The following LUC7L2 variants were observed in gnomAD, a reference collection of about 807,000 sequenced individuals.
The protein encoded by LUC7L2 is putative RNA-binding protein Luc7-like 2.
LUC7L2 carries 25 observed loss-of-function variants against 52.8 expected under a neutral mutation model. That is an observed-to-expected ratio of 0.47 (90% CI 0.34 to 0.66). The LOEUF is 0.66. Ranked by LOEUF, LUC7L2 falls within the 30% of genes least tolerant of loss-of-function variation. LUC7L2 has a pLI of 0.01. For synonymous variants in LUC7L2, 144 were observed against 160.9 expected (o/e 0.89, Z 0.80); for missense variants, 328 against 497.8 (o/e 0.66, Z 3.25).
intron 4 of LUC7L2, among the ~76,000 whole-genome samples, chr7:139,402,609 C>A (rs1308964972): frequency 1.3e-5 from 2 of 152,204 alleles, no homozygotes; most frequent in Non-Finnish European, 2.9e-5. Context: ...TTGCTGCAAT[C>A]TCTGCCTTCT....
chr7:139,358,276 G>C (rs4398843), upstream of LUC7L2, among the ~76,000 whole-genome samples: 58,753 of 152,048 alleles, frequency 0.39, 15,801 homozygotes, highest in African/African-American at 0.77. Flanking sequence ...CCAAAGTACT[G>C]GGATTACAGG....
intron 1 of LUC7L2, among the ~76,000 whole-genome samples, chr7:139,354,821 G>A (rs992507960): frequency 7.3e-6 from 1 of 136,658 alleles, no homozygotes; most frequent in African/African-American, 3.4e-5. Flanking sequence ...AATCCCAAAA[G>A]TGAATTGGAA....
At chr7:139,391,220 T>C (rs1794436696) in intron 2 of LUC7L2, among the ~76,000 whole-genome samples, 1 of 152,208 alleles carries the variant, frequency 6.6e-6, no homozygotes, top group Admixed American at 6.5e-5. Flanking sequence ...TACATCTTTG[T>C]AGACACTTGC....
At chr7:139,390,551 A>G (rs1794401988) in intron 2 of LUC7L2, among the ~76,000 whole-genome samples, 1 of 140,558 alleles carries the variant, frequency 7.1e-6, no homozygotes, top group South Asian at 2.2e-4. Flanking sequence ...TTACTTAGAC[A>G]ATGTAGTTTT....
intron 1 of LUC7L2, among the ~76,000 whole-genome samples, chr7:139,363,812 ATT>A (rs1800000917): frequency 6.6e-6 from 1 of 152,032 alleles, no homozygotes. Context: ...ACAGACTGTG[ATT>A]TTTGCTCAGT....
chr7:139,413,801 A>G (rs925649565), intron 8 of LUC7L2, among the ~76,000 whole-genome samples: 1 of 152,156 alleles, frequency 6.6e-6, no homozygotes, highest in Non-Finnish European at 1.5e-5. Context: ...AAAACCTTAC[A>G]GTTCTGTTAG....
chr7:139,403,955 A>G (rs1164574698), intron 4 of LUC7L2, among the ~76,000 whole-genome samples: 1 of 152,242 alleles, frequency 6.6e-6, no homozygotes, highest in East Asian at 1.9e-4. Context: ...TTCATGGCCA[A>G]ATTCAGAGTC....
chr7:139,374,639 A>T, intron 1 of LUC7L2: 1 of 1,442,206 alleles, frequency 6.9e-7, no homozygotes, highest in Non-Finnish European at 9.1e-7. Flanking sequence ...ACGAGCTTCT[A>T]GAAAACCTAT....
chr7:139,382,373 TCA>T lies in LUC7L2; in HGVS notation c.156+6220_156+6221del, dbSNP rs1801076266. On this transcript the variant is annotated intron_variant, in intron 2 of 9. Transcript: ENST00000354926. Reference sequence around the variant, plus strand: ...AATATTATTGGGGACTTTGATATTGTCACAGTCTTTATTTATTTATTTATTTT... The same window carrying T: ...AATATTATTGGGGACTTTGATATTGTCAGTCTTTATTTATTTATTTATTTT... 2.1e-5 allele frequency among the ~76,000 whole-genome samples: 3 copies of T among 143,182 alleles called. No individual in the cohort carries two copies. The South Asian group carries it at 6.5e-4, about 31-fold the overall frequency. 93.9% of individuals were successfully genotyped at this position (143,182 alleles called of 152,430 possible). A position where few individuals can be genotyped will look rare whatever the true frequency, so the allele number is the denominator to read the frequency against.
chr7:139,393,658 G>T (rs984085438), intron 2 of LUC7L2, among the ~76,000 whole-genome samples: 4 of 152,038 alleles, frequency 2.6e-5, no homozygotes. Flanking sequence ...TGTTGCCCAG[G>T]CTGGTCTCAA....
At chr7:139,418,209 C>T (rs1366252211) in intron 9 of LUC7L2, among the ~76,000 whole-genome samples, 1 of 135,322 alleles carries the variant, frequency 7.4e-6, no homozygotes, top group African/African-American at 3.6e-5. Flanking sequence ...TACATACCTT[C>T]AGCTTGGCAA....
At chr7:139,375,021 T>C (rs1312455947) in intron 1 of LUC7L2, 1 of 984,622 alleles carries the variant, frequency 1.0e-6, no homozygotes. Flanking sequence ...ACCAGTAGGT[T>C]TTCATTCATC....
chr7:139,398,341 T>C (rs1794750129), intron 2 of LUC7L2, among the ~76,000 whole-genome samples: 1 of 152,246 alleles, frequency 6.6e-6, no homozygotes. Context: ...TTTTTCAGAT[T>C]CTGAAAAGCT....
At position 139,376,101 on chromosome 7, in the gene LUC7L2, G is replaced by A. The variant is rs749781571; in HGVS notation, c.101G>A (p.Arg34Lys). Reference sequence around the variant, plus strand: ...CAACGAATCAAATTCAGTGATGACAGAGTATGCAAGAGTCACCTTCTCAAC... The same window carrying A: ...CAACGAATCAAATTCAGTGATGACAAAGTATGCAAGAGTCACCTTCTCAAC... Reference protein sequence around the residue: ...TRQRIKFSDDRVCKSHLLNCC... With the variant: ...TRQRIKFSDDKVCKSHLLNCC... The change falls in exon 2 of 10, where the codon AGA becomes AAA. Residue 34 changes from arginine to lysine, a missense_variant. Physicochemically the swap from Arg to Lys is conservative, Grantham distance 26 (BLOSUM62 2). Around this residue, in one of 2 missense-constraint regions of LUC7L2, gnomAD observed 133 missense variants for 274.4 expected, o/e 0.48. Coordinates refer to ENST00000354926, the MANE Select transcript of LUC7L2 (RefSeq NM_016019.5). 1 of 1,613,882 alleles carries A rather than the reference G, an allele frequency of 6.2e-7. No homozygotes were observed. The highest frequency in any genetic ancestry group is 8.5e-7 in the Non-Finnish European group (1 of 1,179,906).
chr7:139,417,619 G>A lies in LUC7L2; in HGVS notation c.891G>A (p.Arg297=), dbSNP rs1213318644. ...ERKRRTRSKS[R]EKRHRHRSRS... is the part of the protein sequence containing the mutation. ...AGAGGAGAACTCGATCCAAATCTCG[G>A]GAGAAACGCCATCGCCACAGGTCCC... The change falls in exon 9 of 10, where the codon CGG becomes CGA. Residue 297 remains arginine, a synonymous_variant. Coordinates refer to ENST00000354926, the MANE Select transcript of LUC7L2 (RefSeq NM_016019.5). 1.2e-6 allele frequency: 2 copies of A among 1,614,116 alleles called. No homozygotes were observed. The highest frequency in any genetic ancestry group is 2.2e-5 in the South Asian group (2 of 91,072).
chr7:139,402,067 T>A, intron 3 of LUC7L2, 70 bp from the exon 4 acceptor site: 1 of 1,451,498 alleles, frequency 6.9e-7, no homozygotes, highest in Non-Finnish European at 9.1e-7. Flanking sequence ...CAAAGTGTGA[T>A]TTTTGTATGA....
At position 139,422,235 on chromosome 7, in the gene LUC7L2, A is replaced by G; in HGVS notation, c.1074A>G (p.Ser358=). ...CDRDRSSRDR[S]PRDRDRKDKK... ...GAGACAGGAGTTCAAGAGACAGATC[A>G]CCTCGTGACAGAGATCGGAAAGATA... is the stretch of plus-strand genomic sequence containing the variant. Residue 358 remains serine (S), a synonymous_variant, in exon 10 of 10, where the codon TCA becomes TCG. Transcript: ENST00000354926. 6.2e-7 allele frequency: 1 copy of G among 1,614,208 alleles called. No homozygotes were observed. Among genetic ancestry groups the G allele is most frequent in the Non-Finnish European group, 8.5e-7 (1 of 1,180,032 alleles).
rs1247279764 is a variant in LUC7L2 at position 139,422,652 on chromosome 7, A to G, written c.*312A>G. On this transcript the variant is annotated 3_prime_UTR_variant, in exon 10 of 10. Transcript: ENST00000354926. ...TGTTACTTGCCTTGGGATTTTTTGA[A>G]CGTTTGTAAAATGCTGTCTTCCTAG... is the stretch of plus-strand genomic sequence containing the variant. 2.1e-6 allele frequency: 1 copy of G among 475,130 alleles called. No individual in the cohort carries two copies. Among genetic ancestry groups the G allele is most frequent in the Non-Finnish European group, 3.4e-6 (1 of 294,614 alleles). The allele number at this position is 475,130 out of a possible 1,614,324, so 29.4% of individuals were successfully genotyped here.
chr7:139,421,995 T>G (rs1055374989), intron 9 of LUC7L2, among the ~76,000 whole-genome samples, 168 bp from the exon 10 acceptor site: 49 of 152,240 alleles, frequency 3.2e-4, no homozygotes, highest in African/African-American at 1.2e-3. Flanking sequence ...TTTAATGCCC[T>G]TATCAACTAT....
Sources: allele counts gnomAD v4.1 joint callset (sites outside exome capture counted in the v4.1 genomes callset), GRCh38; gene constraint gnomAD v4.1.1; regional missense constraint gnomAD v4.1.1; transcripts MANE v1.5; gene names NCBI Gene and HGNC (gene_info 2026-07-23, HGNC 2026-07-21).